The following CELF2 variants were observed in gnomAD, a reference collection of about 807,000 sequenced individuals.
CELF2 encodes CUGBP Elav-like family member 2, also known as CUG triplet repeat RNA-binding protein 2.
Under a neutral mutation model 62.6 loss-of-function variants are expected in CELF2, and 8 were observed. The ratio of observed to expected loss-of-function variants is 0.13; its 90% CI spans 0.07 to 0.23. The LOEUF (loss-of-function observed/expected upper bound fraction) is 0.23, where lower values mean the gene tolerates loss of function less well. CELF2 is among the 10% of genes least tolerant of loss of function. The pLI, the probability that CELF2 is intolerant of heterozygous loss-of-function variation, is 1.00. For synonymous variants in CELF2, 258 were observed against 250.0 expected, an observed-to-expected ratio of 1.03 and a Z score of -0.30; for missense variants, 333 against 671.0, an observed-to-expected ratio of 0.50 and a Z score of 5.56.
At chr10:10,555,281 C>CTTTTTTT in the CELF2 span, among the ~76,000 whole-genome samples, 1 of 146,096 alleles carries the variant, frequency 6.8e-6, no homozygotes, top group South Asian at 2.2e-4. Flanking sequence ...GCCAGAAAGT[C>CTTTTTTT]TTTTTTTTTT....
chr10:10,470,884 T>A, the CELF2 span, among the ~76,000 whole-genome samples: 1 of 151,396 alleles, frequency 6.6e-6, no homozygotes, highest in East Asian at 1.9e-4. Context: ...ACCTATATAA[T>A]TAATTTAGTA....
the CELF2 span, among the ~76,000 whole-genome samples, chr10:10,668,413 A>G: frequency 3.7e-4 from 57 of 152,292 alleles, no homozygotes; most frequent in Non-Finnish European, 6.3e-4. Flanking sequence ...TGCTTCATGG[A>G]CCCAGTTAGC....
chr10:11,215,405 T>C (rs1321707260), intron 2 of CELF2, among the ~76,000 whole-genome samples: 1 of 152,234 alleles, frequency 6.6e-6, no homozygotes, highest in Non-Finnish European at 1.5e-5. Flanking sequence ...ACCATTGGTC[T>C]TCCAGACCAA....
At chr10:10,498,731 A>G in the CELF2 span, among the ~76,000 whole-genome samples, 1 of 152,218 alleles carries the variant, frequency 6.6e-6, no homozygotes, top group African/African-American at 2.4e-5. Context: ...TGTGCATTAA[A>G]TCCACGGAAA....
intron 1 of CELF2, among the ~76,000 whole-genome samples, chr10:11,132,272 T>A (rs1037371171): frequency 4.6e-5 from 7 of 152,254 alleles, no homozygotes; most frequent in Non-Finnish European, 8.8e-5. Flanking sequence ...AAAGATCTAT[T>A]ACTTAAAATG....
the CELF2 span, among the ~76,000 whole-genome samples, chr10:10,501,219 A>G: frequency 1.3e-5 from 2 of 152,160 alleles, no homozygotes; most frequent in Non-Finnish European, 2.9e-5. Context: ...TTGCATTTCC[A>G]CAGCAATGTA....
At chr10:10,805,751 G>A (rs552776570) in intron 1 of CELF2, among the ~76,000 whole-genome samples, 46 of 152,280 alleles carry the variant, frequency 3.0e-4, no homozygotes, top group African/African-American at 1.0e-3. Flanking sequence ...ATCATAGAGA[G>A]AGTCTTTAGG....
chr10:10,616,665 C>T, the CELF2 span, among the ~76,000 whole-genome samples: 2 of 149,292 alleles, frequency 1.3e-5, no homozygotes, highest in African/African-American at 5.0e-5. Context: ...GCTTCCTCCT[C>T]ACCCAAATTC....
At chr10:10,922,527 C>T (rs533909712) in intron 2 of CELF2, among the ~76,000 whole-genome samples, 2 of 152,190 alleles carry the variant, frequency 1.3e-5, no homozygotes, top group Non-Finnish European at 2.9e-5. Context: ...AAATCACCGT[C>T]GGCACCCGGA....
chr10:10,732,520 CTTT>C, the CELF2 span, among the ~76,000 whole-genome samples: 3 of 110,368 alleles, frequency 2.7e-5, no homozygotes, highest in Admixed American at 9.9e-5. Flanking sequence ...ACTCACTCTC[CTTT>C]TTTTTTTTTT....
At position 11,288,572 on chromosome 10, in the gene CELF2, T is replaced by C. The variant is rs748426673; in HGVS notation, c.976+20T>C. 1.9e-6 allele frequency: 3 copies of C among 1,612,410 alleles called. No individual in the cohort carries two copies. The highest frequency in any genetic ancestry group is 2.5e-6 in the Non-Finnish European group (3 of 1,179,564). ...GTCCCGGTGAGTGTGGGGGGTGCTC[T>C]TCCCTTGCAGGTGATGCAGCAGGAG... is the stretch of plus-strand genomic sequence containing the variant. On this transcript the variant is annotated intron_variant, in intron 9 of 12. Transcript: ENST00000633077.
chr10:11,252,770 A>G (rs190367257), intron 4 of CELF2, among the ~76,000 whole-genome samples: 121 of 152,336 alleles, frequency 7.9e-4, no homozygotes, highest in African/African-American at 2.8e-3. Context: ...AGGTTGTCCA[A>G]AAGGAAAATA....
chr10:10,498,192 G>A, the CELF2 span, among the ~76,000 whole-genome samples: 11 of 152,154 alleles, frequency 7.2e-5, no homozygotes, highest in East Asian at 5.8e-4. Flanking sequence ...GGAAAGAGGC[G>A]GAAGGCGCCC....
chr10:10,561,312 T>C, the CELF2 span, among the ~76,000 whole-genome samples: 1 of 152,202 alleles, frequency 6.6e-6, no homozygotes, highest in Non-Finnish European at 1.5e-5. Flanking sequence ...TGGATATGAC[T>C]GCTGAGCACT....
chr10:10,560,399 C>G, the CELF2 span, among the ~76,000 whole-genome samples: 1 of 152,198 alleles, frequency 6.6e-6, no homozygotes, highest in Non-Finnish European at 1.5e-5. Context: ...TACCAACCAT[C>G]TAATGTTTCC....
In CELF2 at chr10:10,983,235, A is replaced by C. The variant is rs1369358372; in HGVS notation, c.89+63236A>C. On this transcript the variant is annotated intron_variant, in intron 2 of 13. Transcript: ENST00000636488. The surrounding 1 kb of genome is among the most constrained non-coding windows in gnomAD (Gnocchi z 5.2). ...GTGATACATCTGAATTATGTATTTT[A>C]AACATTTTTACTTAAATACCACACA... Among the ~76,000 whole-genome samples, 1 of 152,166 alleles carries C rather than the reference A, an allele frequency of 6.6e-6. No homozygotes were observed. The highest frequency in any genetic ancestry group is 1.5e-5 in the Non-Finnish European group (1 of 68,034).
chr10:11,030,399 A>T (rs527614549), intron 1 of CELF2: 1 of 152,320 alleles, frequency 6.6e-6, no homozygotes, highest in African/African-American at 2.4e-5. Context: ...CCAAAATCTG[A>T]GGTTGCACCT....
intron 2 of CELF2, among the ~76,000 whole-genome samples, chr10:10,982,080 T>C (rs1466424879): frequency 1.3e-5 from 2 of 150,670 alleles, no homozygotes; most frequent in African/African-American, 4.9e-5. Context: ...CTCAGCCTCC[T>C]GAGTAGCTGG....
At chr10:10,566,654 T>G in the CELF2 span, among the ~76,000 whole-genome samples, 16 of 147,548 alleles carry the variant, frequency 1.1e-4, no homozygotes, top group Non-Finnish European at 3.0e-5. Context: ...CACCTATGAG[T>G]GAGAATATGC....
Sources: allele counts gnomAD v4.1 joint callset (sites outside exome capture counted in the v4.1 genomes callset), GRCh38; gene constraint gnomAD v4.1.1; non-coding constraint Gnocchi (gnomAD v3.1); transcripts MANE v1.5; gene names NCBI Gene and HGNC (gene_info 2026-07-23, HGNC 2026-07-21).